The following SRCAP variants were observed in gnomAD, a reference collection of about 807,000 sequenced individuals.
SRCAP encodes the protein Snf2 related CREBBP activator protein, also known as chromatin remodeling protein SRCAP.
SRCAP carries 46 observed loss-of-function variants against 263.1 expected under a neutral mutation model. The observed-to-expected ratio is 0.17, with a 90% CI of 0.14 to 0.22. SRCAP has a LOEUF of 0.22. Ranked by LOEUF, SRCAP falls within the 10% of genes least tolerant of loss-of-function variation. The pLI, the probability that SRCAP is intolerant of heterozygous loss-of-function variation, is 1.00. For missense variants in SRCAP, 3,695 were observed against 4,181.9 expected (o/e 0.88, Z 3.21); for synonymous variants, 1,813 against 1,662.1 (o/e 1.09, Z -2.21).
At chr16:30,707,417 C>T (rs1241797456) in intron 5 of SRCAP, 49 bp downstream of exon 5, 1 of 1,606,170 alleles carries the variant, frequency 6.2e-7, no homozygotes, top group African/African-American at 1.3e-5. Flanking sequence ...AGGTCTGTTC[C>T]TTCCCGGTTT....
In SRCAP at chr16:30,716,279, T is replaced by C; in HGVS notation, c.2631-14T>C. On this transcript the variant is annotated splice_polypyrimidine_tract_variant and intron_variant, in intron 17 of 33. Transcript: ENST00000262518. ...GCTGTTAGGACGTCTCATTTATTTTTCCTCTTTCCCCAGAACTAAGGAGAC... is the reference window on the plus strand; with the variant it reads ...GCTGTTAGGACGTCTCATTTATTTTCCCTCTTTCCCCAGAACTAAGGAGAC... 4.3e-6 allele frequency: 7 copies of C among 1,613,508 alleles called. No individual in the cohort carries two copies. The highest frequency in any genetic ancestry group is 5.9e-6 in the Non-Finnish European group (7 of 1,179,506).
rs928681178 is a variant in SRCAP, at chr16:30,740,888, C to T, written c.*1155C>T. 2.6e-5 allele frequency: 4 copies of T among 152,198 alleles called. No homozygotes were observed. The highest frequency in any genetic ancestry group is 7.2e-5 in the African/African-American group (3 of 41,400). 9.4% of individuals were successfully genotyped at this position (152,198 alleles called of 1,614,324 possible). On this transcript the variant is annotated 3_prime_UTR_variant, in exon 34 of 34. Transcript: ENST00000262518. ...CGCCCCTTTCACCTTTCCTATCCTT[C>T]GTTACTTGGGTTCAGGGAGCCAAGG...
In SRCAP at chr16:30,724,679, C is replaced by T. The variant is rs1332571500; in HGVS notation, c.5255C>T (p.Pro1752Leu). 1.2e-6 allele frequency: 2 copies of T among 1,614,150 alleles called. No homozygotes were observed. Among genetic ancestry groups the T allele is most frequent in the East Asian group, 2.2e-5 (1 of 44,884 alleles). ...CAGACGCTGTCTCTGGCTCCAGCACCCCCTCTGGCTCCAGCTTCTCCAGTG... is the reference window on the plus strand; with the variant it reads ...CAGACGCTGTCTCTGGCTCCAGCACTCCCTCTGGCTCCAGCTTCTCCAGTG... ...PTQTLSLAPA[P>L]PLAPASPVGP... The change falls in exon 25 of 34, where the codon CCC (proline) becomes CTC (leucine). Residue 1752 changes from proline to leucine, a missense_variant. Physicochemically the swap from Pro to Leu is moderately conservative, Grantham distance 98. Transcript: ENST00000262518.
intron 27 of SRCAP, 118 bp downstream of exon 27, chr16:30,729,690 G>C: frequency 8.3e-7 from 1 of 1,208,500 alleles, no homozygotes; most frequent in Non-Finnish European, 1.2e-6. Context: ...AGCTTTAGAT[G>C]GTTTTTTAGG....
At chr16:30,729,639 C>G in intron 27 of SRCAP, 67 bp downstream of exon 27, 1 of 1,566,290 alleles carries the variant, frequency 6.4e-7, no homozygotes, top group Non-Finnish European at 8.8e-7. Flanking sequence ...ACTGTTGTAT[C>G]AGAGGGATGC....
intron 27 of SRCAP, among the ~76,000 whole-genome samples, chr16:30,730,057 A>G (rs954889761): frequency 2.0e-5 from 3 of 152,180 alleles, no homozygotes; most frequent in African/African-American, 4.8e-5. Flanking sequence ...ATGAGCCACC[A>G]TGCCCGGCCA....
At position 30,711,706 on chromosome 16, in the gene SRCAP, C is replaced by T. The variant is rs142622396; in HGVS notation, c.1454C>T (p.Ala485Val). The T allele has an allele frequency of 6.6e-5, 107 of 1,613,450 alleles. No homozygotes were observed. Among genetic ancestry groups the T allele is most frequent in the African/African-American group, 9.4e-5 (7 of 74,862 alleles). The change falls in exon 11 of 34, where the codon GCG becomes GTG. Residue 485 changes from alanine to valine, a missense_variant. Physicochemically the swap from Ala to Val is moderately conservative, Grantham distance 64. Coordinates refer to ENST00000262518, the MANE Select transcript of SRCAP (RefSeq NM_006662.3). ...TGTGAACCAGAGGGGCCCGTGGAAGCGGAAGAGCCTCCTCAGGAGGATAGT... is the reference window on the plus strand; with the variant it reads ...TGTGAACCAGAGGGGCCCGTGGAAGTGGAAGAGCCTCCTCAGGAGGATAGT... Reference protein sequence around the residue: ...SDCEPEGPVEAEEPPQEDSSS... With the variant: ...SDCEPEGPVEVEEPPQEDSSS...
rs1405612277 is a variant in SRCAP at position 30,710,779 on chromosome 16, C to T, written c.1160C>T (p.Thr387Ile). ...LEIKPPPSAVTQRNKQPWHPD... is the reference protein window; with the variant it reads ...LEIKPPPSAVIQRNKQPWHPD... ...ATAAAGCCCCCACCCTCTGCTGTCA[C>T]ACAGCGCAACAAACAGCCTTGGCAT... Residue 387 changes from threonine (T) to isoleucine (I), a missense_variant, in exon 9 of 34, where the codon ACA becomes ATA. Physicochemically the swap from Thr to Ile is moderately conservative, Grantham distance 89 (BLOSUM62 -1). Coordinates refer to ENST00000262518, the MANE Select transcript of SRCAP (RefSeq NM_006662.3). 4 of 1,614,214 alleles carry T rather than the reference C, an allele frequency of 2.5e-6. No individual in the cohort carries two copies. In the East Asian group the frequency reaches 8.9e-5, roughly 36 times the overall value.
In SRCAP at chr16:30,738,116, A is replaced by T; in HGVS notation, c.8076A>T (p.Glu2692Asp). 1.9e-6 allele frequency: 3 copies of T among 1,614,016 alleles called. No individual in the cohort carries two copies. The highest frequency in any genetic ancestry group is 2.5e-6 in the Non-Finnish European group (3 of 1,180,000). Residue 2692 changes from glutamate (E) to aspartate (D), a missense_variant, in exon 34 of 34, where the codon GAA becomes GAT. Around this residue, in one of 12 missense-constraint regions of SRCAP, gnomAD observed 1,207 missense variants for 1,142.9 expected, o/e 1.06. Coordinates refer to ENST00000262518, the MANE Select transcript of SRCAP (RefSeq NM_006662.3). ...CCTCCAGCCCAGAGAAGCCACAGGA[A>T]CTCGTTACAGCTGAGGTTGCAGCTC... is the stretch of plus-strand genomic sequence containing the variant. ...TPTSSPEKPQ[E>D]LVTAEVAAPS... is the part of the protein sequence containing the mutation.
chr16:30,740,028 C>G lies in SRCAP; in HGVS notation c.*295C>G, dbSNP rs2053209196. 4 of 321,126 alleles carry G rather than the reference C, an allele frequency of 1.2e-5. No homozygotes were observed. The East Asian group carries it at 2.0e-4, about 16-fold the overall frequency. 19.9% of individuals were successfully genotyped at this position (321,126 alleles called of 1,614,324 possible). A position where few individuals can be genotyped will look rare whatever the true frequency, so the allele number is the denominator to read the frequency against. On this transcript the variant is annotated 3_prime_UTR_variant, in exon 34 of 34. Transcript: ENST00000262518. Reference sequence around the variant, plus strand: ...CCCAGCTGTCTTTCACACAGCCCCCCACCCTTAGGGGAAGGGGGAGGGGCT... The same window carrying G: ...CCCAGCTGTCTTTCACACAGCCCCCGACCCTTAGGGGAAGGGGGAGGGGCT...
intron 8 of SRCAP, chr16:30,710,447 G>C: frequency 2.9e-6 from 2 of 697,586 alleles, no homozygotes; most frequent in Non-Finnish European, 5.2e-6. Context: ...TGGCTTACAG[G>C]TTGGAAGCTG....
chr16:30,713,855 T>G (rs1191143493), intron 16 of SRCAP, 144 bp downstream of exon 16: 1 of 690,292 alleles, frequency 1.4e-6, no homozygotes, highest in Non-Finnish European at 2.4e-6. Context: ...TTCTAGTGAC[T>G]AACCCATTGC....
At chr16:30,707,454 G>T in intron 5 of SRCAP, 86 bp downstream of exon 5, 2 of 1,602,644 alleles carry the variant, frequency 1.2e-6, no homozygotes, top group Non-Finnish European at 1.7e-6. Flanking sequence ...ACAGAATGGT[G>T]TAGGCATTAA....
At position 30,737,762 on chromosome 16, in the gene SRCAP, C is replaced by A. The variant is rs761181178; in HGVS notation, c.7722C>A (p.Thr2574=). ...TGGCTTCTGTGGCCAGTTCAGAAAC[C>A]TCCTCACTTTCTCTTGTGCCCCCTA... ...LELASVASSE[T]SSLSLVPPKD... Residue 2574 remains threonine, a synonymous_variant, in exon 34 of 34, where the codon ACC becomes ACA. Transcript: ENST00000262518. 1 of 1,614,034 alleles carries A rather than the reference C, an allele frequency of 6.2e-7. No individual in the cohort carries two copies. The highest frequency in any genetic ancestry group is 1.7e-5 in the Admixed American group (1 of 60,026).
At chr16:30,714,216 C>G (rs1016710492) in intron 16 of SRCAP, among the ~76,000 whole-genome samples, 1 of 151,688 alleles carries the variant, frequency 6.6e-6, no homozygotes, top group Admixed American at 6.6e-5. Flanking sequence ...AGGCGCCCAC[C>G]ACCACGCCGG....
rs1567247962 is a variant in SRCAP, at chr16:30,723,896, C to T, written c.4472C>T (p.Pro1491Leu). The T allele has an allele frequency of 6.2e-7, 1 of 1,614,126 alleles. No homozygotes were observed. Among genetic ancestry groups the T allele is most frequent in the Admixed American group, 1.7e-5 (1 of 60,020 alleles). The change falls in exon 25 of 34, where the codon CCC (proline) becomes CTC (leucine). Residue 1491 changes from proline (P) to leucine (L), a missense_variant. Pro to Leu is a moderately conservative substitution (Grantham distance 98, BLOSUM62 -3). Coordinates refer to ENST00000262518, the MANE Select transcript of SRCAP (RefSeq NM_006662.3). ...GTTGTCCCAGCGGCTCCTGGACCTC[C>T]CTCCTTGGCACCATCTGGTGCTTCC... is the stretch of plus-strand genomic sequence containing the variant. Reference protein sequence around the residue: ...APVVPAAPGPPSLAPSGASPS... With the variant: ...APVVPAAPGPLSLAPSGASPS...
chr16:30,711,183 C>T (rs989883911), intron 10 of SRCAP, 95 bp downstream of exon 10: 7 of 915,628 alleles, frequency 7.6e-6, no homozygotes, highest in African/African-American at 1.6e-5. Flanking sequence ...TTGTATCCAC[C>T]CTGGAGGAAT....
At position 30,733,173 on chromosome 16, in the gene SRCAP, C is replaced by T; in HGVS notation, c.6128-107C>T. Reference sequence around the variant, plus strand: ...TTTTGATCTGCTAGGCTAATTGAAACTTTGGCTTAAAGCATTGATTATCTT... The same window carrying T: ...TTTTGATCTGCTAGGCTAATTGAAATTTTGGCTTAAAGCATTGATTATCTT... On this transcript the variant is annotated intron_variant, in intron 27 of 33. Transcript: ENST00000262518. The surrounding 1 kb of genome is among the most constrained non-coding windows in gnomAD (Gnocchi z 5.3). 2 of 1,330,810 alleles carry T rather than the reference C, an allele frequency of 1.5e-6. No homozygotes were observed. The highest frequency in any genetic ancestry group is 1.4e-5 in the South Asian group (1 of 74,048). 82.4% of individuals were successfully genotyped at this position (1,330,810 alleles called of 1,614,324 possible). A position where few individuals can be genotyped will look rare whatever the true frequency, so the allele number is the denominator to read the frequency against.
chr16:30,712,457 C>G lies in SRCAP; in HGVS notation c.1993+18C>G, dbSNP rs2052902042. The G allele has an allele frequency of 6.4e-7, 1 of 1,550,962 alleles. No homozygotes were observed. The highest frequency in any genetic ancestry group is 2.3e-5 in the East Asian group (1 of 44,426). ...TGAGAAAGGTAAGTAGGCAAGGCCCCTTCTTTTGTTCCCCCTAGTCTAGCT... is the reference window on the plus strand; with the variant it reads ...TGAGAAAGGTAAGTAGGCAAGGCCCGTTCTTTTGTTCCCCCTAGTCTAGCT... On this transcript the variant is annotated intron_variant, in intron 13 of 33. Transcript: ENST00000262518.
Sources: allele counts gnomAD v4.1 joint callset (sites outside exome capture counted in the v4.1 genomes callset), GRCh38; gene constraint gnomAD v4.1.1; regional missense constraint gnomAD v4.1.1; non-coding constraint Gnocchi (gnomAD v3.1); transcripts MANE v1.5; gene names NCBI Gene and HGNC (gene_info 2026-07-23, HGNC 2026-07-21).